DCC: variants seen among roughly 807,000 people sequenced by gnomAD.
The protein encoded by DCC is netrin receptor DCC.
DCC carries 58 observed loss-of-function variants against 172.5 expected under a neutral mutation model. The observed-to-expected ratio is 0.34, with a 90% CI of 0.27 to 0.42. The LOEUF (loss-of-function observed/expected upper bound fraction) is 0.42. DCC is among the 10% of genes least tolerant of loss of function. The probability of loss-of-function intolerance (pLI) is 1.00; values close to 1 mark genes in which losing one functional copy is unlikely to be tolerated. For synonymous variants in DCC, 709 were observed against 644.5 expected, an observed-to-expected ratio of 1.10 and a Z score of -1.52; for missense variants, 1,740 against 1,791.0, an observed-to-expected ratio of 0.97 and a Z score of 0.51.
intron 14 of DCC, among the ~76,000 whole-genome samples, chr18:53,337,878 A>T (rs2057609947): frequency 6.6e-6 from 1 of 152,202 alleles, no homozygotes; most frequent in African/African-American, 2.4e-5. Flanking sequence ...ACCTCTAGTC[A>T]TCAGATTTCC....
chr18:52,906,601 T>C lies in DCC; in HGVS notation c.697+273T>C, dbSNP rs376351786. ...GTTCTATTAATATTTAGTGAGTATT[T>C]CTTTGTGCAAGGCCCATTGATAAGC... On this transcript the variant is annotated intron_variant, in intron 3 of 28. Transcript: ENST00000442544. 3.0e-4 allele frequency among the ~76,000 whole-genome samples: 46 copies of C among 152,158 alleles called. No individual in the cohort carries two copies. In the South Asian group the frequency reaches 9.6e-3, roughly 32 times the overall value.
At chr18:53,215,287 C>T (rs2055828657) in intron 11 of DCC, among the ~76,000 whole-genome samples, 1 of 152,040 alleles carries the variant, frequency 6.6e-6, no homozygotes, top group African/African-American at 2.4e-5. Context: ...TTTGGTATCA[C>T]TGCCCGCGTT....
At chr18:52,644,316 C>T (rs1334860423) in intron 1 of DCC, among the ~76,000 whole-genome samples, 3 of 152,054 alleles carry the variant, frequency 2.0e-5, no homozygotes, top group African/African-American at 7.2e-5. Flanking sequence ...TGATGGCTCA[C>T]GCCTGTAATC....
intron 1 of DCC, among the ~76,000 whole-genome samples, chr18:52,476,751 T>C (rs767687423): frequency 2.5e-4 from 38 of 152,130 alleles, no homozygotes; most frequent in Admixed American, 1.6e-3. Context: ...ACCTTGCAGT[T>C]GGATTCTATT....
At chr18:52,713,043 G>A (rs1292931949) in intron 1 of DCC, among the ~76,000 whole-genome samples, 1 of 151,800 alleles carries the variant, frequency 6.6e-6, no homozygotes, top group Non-Finnish European at 1.5e-5. Flanking sequence ...TTGGTAGAGA[G>A]AGGCCATTTG....
intron 1 of DCC, among the ~76,000 whole-genome samples, chr18:52,519,932 T>C (rs2031760188): frequency 6.6e-6 from 1 of 152,220 alleles, no homozygotes; most frequent in Non-Finnish European, 1.5e-5. Flanking sequence ...CTGCCTGTCA[T>C]ATTCTCTCCT....
chr18:52,884,072 A>T (rs575871665), intron 2 of DCC, among the ~76,000 whole-genome samples: 1 of 151,986 alleles, frequency 6.6e-6, no homozygotes, highest in South Asian at 2.1e-4. Context: ...CTGCTGCCAG[A>T]CATATTGGAG....
At chr18:53,419,185 T>C (rs1910487995) in intron 21 of DCC, among the ~76,000 whole-genome samples, 1 of 152,142 alleles carries the variant, frequency 6.6e-6, no homozygotes, top group Non-Finnish European at 1.5e-5. Flanking sequence ...TAGGTGTATA[T>C]ATTTGTAGGG....
intron 5 of DCC, among the ~76,000 whole-genome samples, chr18:52,961,048 ACT>A (rs2040834133): frequency 6.6e-6 from 1 of 151,874 alleles, no homozygotes; most frequent in Non-Finnish European, 1.5e-5. Flanking sequence ...ATTTTTAAAA[ACT>A]CTATGATACA....
chr18:52,977,164 C>T (rs542189255), intron 5 of DCC, among the ~76,000 whole-genome samples: 2 of 152,100 alleles, frequency 1.3e-5, no homozygotes, highest in Admixed American at 1.3e-4. Flanking sequence ...TCTTACCCCT[C>T]ATAACTAAGC....
intron 1 of DCC, among the ~76,000 whole-genome samples, chr18:52,423,976 G>A (rs1174309544): frequency 1.3e-5 from 2 of 152,074 alleles, no homozygotes; most frequent in African/African-American, 2.4e-5. Context: ...GACCAAGAAT[G>A]GTTTCTTGTT....
chr18:52,428,163 A>C (rs547264679), intron 1 of DCC, among the ~76,000 whole-genome samples: 1 of 152,088 alleles, frequency 6.6e-6, no homozygotes, highest in South Asian at 2.1e-4. Context: ...ACTTCCACTA[A>C]AATTGCCTCT....
intron 1 of DCC, among the ~76,000 whole-genome samples, chr18:52,746,386 T>C (rs2036906363): frequency 6.6e-6 from 1 of 152,204 alleles, no homozygotes; most frequent in African/African-American, 2.4e-5. Context: ...TAGGAGCTTT[T>C]TTCCCCACTT....
intron 1 of DCC, among the ~76,000 whole-genome samples, chr18:52,664,991 AG>A (rs1017924610): frequency 6.6e-6 from 1 of 152,334 alleles, no homozygotes; most frequent in Admixed American, 6.5e-5. Context: ...GATTCAAACA[AG>A]CAAGGCAGGT....
chr18:53,438,902 C>T (rs116176666), intron 22 of DCC, among the ~76,000 whole-genome samples: 2,615 of 152,252 alleles, frequency 0.017, 74 homozygotes, highest in African/African-American at 0.059. Context: ...TTAAATAGAC[C>T]GATGCCATTC....
intron 5 of DCC, among the ~76,000 whole-genome samples, chr18:52,985,580 C>T (rs550018619): frequency 1.3e-5 from 2 of 152,198 alleles, no homozygotes; most frequent in South Asian, 4.1e-4. Context: ...CCACTGTATT[C>T]TAATGAGTGC....
intron 2 of DCC, among the ~76,000 whole-genome samples, chr18:52,895,277 G>T (rs563280520): frequency 6.6e-6 from 1 of 152,138 alleles, no homozygotes; most frequent in East Asian, 1.9e-4. Context: ...TGTGTAATGA[G>T]ATTTTTAGCT....
intron 1 of DCC, among the ~76,000 whole-genome samples, chr18:52,737,256 TG>T (rs1271358714): frequency 2.6e-5 from 4 of 152,008 alleles, no homozygotes; most frequent in African/African-American, 9.7e-5. Context: ...TGGTAAATAG[TG>T]GTTAAACAAC....
intron 27 of DCC, among the ~76,000 whole-genome samples, chr18:53,501,117 T>C (rs1048350315): frequency 1.3e-5 from 2 of 152,214 alleles, no homozygotes; most frequent in African/African-American, 4.8e-5. Flanking sequence ...GAAACTAGTA[T>C]TCAAGATAGT....
Sources: gnomAD v4.1 joint callset for allele counts (sites outside exome capture counted in the v4.1 genomes callset) on GRCh38, gnomAD v4.1.1 for gene constraint, MANE v1.5 for transcripts, NCBI Gene and HGNC (gene_info 2026-07-23, HGNC 2026-07-21) for gene names.